NOTCH3: variants seen among roughly 807,000 people sequenced by gnomAD.
NOTCH3 encodes the protein notch receptor 3.
Under a neutral mutation model 213.3 loss-of-function variants are expected in NOTCH3, and 86 were observed. The observed-to-expected ratio is 0.40, with a 90% CI of 0.34 to 0.48. The LOEUF (loss-of-function observed/expected upper bound fraction) is 0.48. NOTCH3 is among the 20% of genes least tolerant of loss of function. The pLI, the probability that NOTCH3 is intolerant of heterozygous loss-of-function variation, is 0.57. For synonymous variants in NOTCH3, 1,354 were observed against 1,355.9 expected (o/e 1.00, Z 0.03); for missense variants, 2,783 against 3,272.6 (o/e 0.85, Z 3.65).
chr19:15,196,898 A>C (rs1427248436), intron 2 of NOTCH3, among the ~76,000 whole-genome samples: 1 of 152,158 alleles, frequency 6.6e-6, no homozygotes, highest in Non-Finnish European at 1.5e-5. Context: ...TGCTCCCTGC[A>C]ACCTCTTGCC....
Position 15,192,020 on chromosome 19 carries a change from G to C in NOTCH3, c.619C>G (p.Arg207Gly). The C allele has an allele frequency of 6.2e-7, 1 of 1,613,194 alleles. No homozygotes were observed. Among genetic ancestry groups the C allele is most frequent in the Non-Finnish European group, 8.5e-7 (1 of 1,179,974 alleles). The change falls in exon 4 of 33, where the codon CGT (arginine) becomes GGT (glycine). Residue 207 changes from arginine (R) to glycine (G), a missense_variant. Arg to Gly is a moderately radical substitution (Grantham distance 125). Around this residue, in one of 6 missense-constraint regions of NOTCH3, gnomAD observed 708 missense variants for 906.6 expected, o/e 0.78. Coordinates refer to ENST00000263388, the MANE Select transcript of NOTCH3 (RefSeq NM_000435.3). ...PAVPCAPSPC[R>G]NGGTCRQSGD... Reference sequence around the variant, plus strand: ...CTCTGCCTGCAGGTGCCCCCGTTACGGCATGGTGAGGGTGCACAGGGCACC... The same window carrying C: ...CTCTGCCTGCAGGTGCCCCCGTTACCGCATGGTGAGGGTGCACAGGGCACC...
In NOTCH3 at chr19:15,181,580, G is replaced by C; in HGVS notation, c.2788C>G (p.Pro930Ala). 1 of 1,550,342 alleles carries C rather than the reference G, an allele frequency of 6.5e-7. No individual in the cohort carries two copies. Among genetic ancestry groups the C allele is most frequent in the South Asian group, 1.2e-5 (1 of 84,020 alleles). Residue 930 changes from proline to alanine, a missense_variant, in exon 17 of 33, where the codon CCC becomes GCC. Physicochemically the swap from Pro to Ala is conservative, Grantham distance 27. Transcript: ENST00000263388. ...CCAAGCAGAGGCCCCGCCCACCTGG[G>C]GCTGCAGTCGGGCAGGTCCTGTTCG... ...HCEQDLPDCS[P>A]SSCFNGGTCV...
intron 24 of NOTCH3, among the ~76,000 whole-genome samples, chr19:15,176,125 G>A (rs1172456701): frequency 6.6e-6 from 1 of 151,488 alleles, no homozygotes; most frequent in Non-Finnish European, 1.5e-5. Flanking sequence ...CAGGAGTGGA[G>A]GAAGACAGTT....
At position 15,160,705 on chromosome 19, in the gene NOTCH3, C is replaced by G; in HGVS notation, c.6923G>C (p.Gly2308Ala). The change falls in exon 33 of 33, where the codon GGG becomes GCG. Residue 2308 changes from glycine (G) to alanine (A), a missense_variant. Gly to Ala is a moderately conservative substitution (Grantham distance 60). Transcript: ENST00000263388. ...SSLAQAQTQLGPQPEVTPKRQ... is the reference protein window; with the variant it reads ...SSLAQAQTQLAPQPEVTPKRQ... ...CTTGGGGGTAACTTCCGGCTGGGGCCCCAGCTGGGTCTGGGCCTGAGCAAG... is the reference window on the plus strand; with the variant it reads ...CTTGGGGGTAACTTCCGGCTGGGGCGCCAGCTGGGTCTGGGCCTGAGCAAG... 1 of 1,614,168 alleles carries G rather than the reference C, an allele frequency of 6.2e-7. No individual in the cohort carries two copies. Among genetic ancestry groups the G allele is most frequent in the Non-Finnish European group, 8.5e-7 (1 of 1,180,032 alleles).
intron 1 of NOTCH3, among the ~76,000 whole-genome samples, chr19:15,198,004 G>C (rs183391109): frequency 6.6e-5 from 10 of 152,256 alleles, no homozygotes; most frequent in Admixed American, 6.5e-4. Flanking sequence ...CTAGGGCCAC[G>C]GGTCTTCCTT....
chr19:15,179,468 C>T lies in NOTCH3; in HGVS notation c.3356G>A (p.Cys1119Tyr), dbSNP rs1266914122. 9 of 1,613,986 alleles carry T rather than the reference C, an allele frequency of 5.6e-6. No homozygotes were observed. Among genetic ancestry groups the T allele is most frequent in the Non-Finnish European group, 7.6e-6 (9 of 1,180,036 alleles). Residue 1119 changes from cysteine to tyrosine, a missense_variant, in exon 21 of 33, where the codon TGT becomes TAT. This residue lies in a region of NOTCH3 where 861 missense variants were observed against 909.1 expected (regional missense o/e 0.95). Coordinates refer to ENST00000263388, the MANE Select transcript of NOTCH3 (RefSeq NM_000435.3). ...GGCACACTCGTCCACGTCGTCCTCA[C>T]AGTTATCACCATTGTAGCCAGGAAG... is the stretch of plus-strand genomic sequence containing the variant. The part of the protein sequence containing the change: ...ECLPGYNGDN[C>Y]EDDVDECASQ...
chr19:15,174,071 A>G lies in NOTCH3; in HGVS notation c.4733T>C (p.Ile1578Thr). ...TTTTCCAGGTGGGGTCACTCACCCG[A>G]TCACCTCGGGGGCCAGCTCCCGACG... ...RARRELAPEV[I>T]GSVVMLEIDN... Residue 1578 changes from isoleucine (I) to threonine (T), a missense_variant, in exon 25 of 33, where the codon ATC (isoleucine) becomes ACC (threonine). Physicochemically the swap from Ile to Thr is moderately conservative, Grantham distance 89. Coordinates refer to ENST00000263388, the MANE Select transcript of NOTCH3 (RefSeq NM_000435.3). 6.4e-7 allele frequency: 1 copy of G among 1,567,886 alleles called. No individual in the cohort carries two copies. Among genetic ancestry groups the G allele is most frequent in the Non-Finnish European group, 8.7e-7 (1 of 1,152,692 alleles).
Position 15,167,326 on chromosome 19 carries a change from A to G in NOTCH3, c.5285T>C (p.Val1762Ala), listed in dbSNP as rs750747488. 8 of 1,613,380 alleles carry G rather than the reference A, an allele frequency of 5.0e-6. No individual in the cohort carries two copies. Among genetic ancestry groups the G allele is most frequent in the Non-Finnish European group, 6.8e-6 (8 of 1,179,998 alleles). ...QHHLVAADIR[V>A]APAMALTPPQ... ...TGGTGTCAGTGCCATGGCTGGTGCC[A>G]CGCGGATGTCAGCAGCAACCAGATG... is the stretch of plus-strand genomic sequence containing the variant. The change falls in exon 29 of 33, where the codon GTG becomes GCG. Residue 1762 changes from valine to alanine, a missense_variant. Val to Ala is a moderately conservative substitution (Grantham distance 64). This residue lies in a region of NOTCH3 where 636 missense variants were observed against 801.8 expected (regional missense o/e 0.79). Transcript: ENST00000263388.
intron 17 of NOTCH3, 143 bp from the exon 18 acceptor site, chr19:15,181,305 C>A: frequency 1.2e-6 from 1 of 818,782 alleles, no homozygotes; most frequent in South Asian, 1.5e-5. Flanking sequence ...CAGCAGAAGC[C>A]AATCAGGTCC....
chr19:15,195,936 AG>A (rs569102469), intron 2 of NOTCH3, among the ~76,000 whole-genome samples: 8 of 118,758 alleles, frequency 6.7e-5, no homozygotes, highest in South Asian at 5.6e-4. Context: ...AGACCTAGTT[AG>A]GGGGGGCACG....
At chr19:15,177,251 GAA>G (rs1555727291) in intron 24 of NOTCH3, among the ~76,000 whole-genome samples, 3 of 116,084 alleles carry the variant, frequency 2.6e-5, no homozygotes, top group Admixed American at 8.0e-5. Flanking sequence ...TCCATCTCGG[GAA>G]AAAAAAAAAA....
intron 2 of NOTCH3, among the ~76,000 whole-genome samples, chr19:15,192,732 T>C (rs771230021): frequency 3.3e-5 from 5 of 152,196 alleles, no homozygotes; most frequent in Non-Finnish European, 7.3e-5. Flanking sequence ...CTAGCCAACA[T>C]GGTGTAACCC....
At chr19:15,199,120 G>C (rs2046991457) in intron 1 of NOTCH3, among the ~76,000 whole-genome samples, 1 of 152,224 alleles carries the variant, frequency 6.6e-6, no homozygotes, top group South Asian at 2.1e-4. Context: ...GGGCCACCCT[G>C]AGCTGTAGGC....
chr19:15,197,734 G>GCCCC (rs5827279), intron 1 of NOTCH3, among the ~76,000 whole-genome samples, 156 bp from the exon 2 acceptor site: 3 of 41,012 alleles, frequency 7.3e-5, no homozygotes, highest in Non-Finnish European at 1.7e-4. Flanking sequence ...CAGTTCCCAC[G>GCCCC]CCCCCCCCCC....
Position 15,179,299 on chromosome 19 carries a change from G to A in NOTCH3, c.3461-17C>T. On this transcript the variant is annotated splice_polypyrimidine_tract_variant and intron_variant, in intron 21 of 32. Transcript: ENST00000263388. ...AGAGCACCCCTGGGGGAAGAAACGA[G>A]GGGTGGTCAAGAGGGAATGAAGACA... 6.2e-7 allele frequency: 1 copy of A among 1,611,322 alleles called. No individual in the cohort carries two copies. The highest frequency in any genetic ancestry group is 1.3e-5 in the African/African-American group (1 of 75,014).
At chr19:15,162,413 C>CA in intron 32 of NOTCH3, 52 bp downstream of exon 32, 2 of 1,253,242 alleles carry the variant, frequency 1.6e-6, no homozygotes, top group Non-Finnish European at 2.3e-6. Context: ...GGCTGGATTG[C>CA]AATGGCACTG....
intron 2 of NOTCH3, among the ~76,000 whole-genome samples, chr19:15,196,097 G>A (rs1004238): frequency 0.066 from 9,972 of 151,866 alleles, 922 homozygotes; most frequent in African/African-American, 0.21. Context: ...AGAGACTCGT[G>A]GGGGGTGGAG....
chr19:15,181,252 C>A, intron 17 of NOTCH3, 90 bp from the exon 18 acceptor site: 1 of 1,188,798 alleles, frequency 8.4e-7, no homozygotes, highest in Middle Eastern at 2.7e-4. Flanking sequence ...GCGCTGGGGA[C>A]GTCCCACTCC....
In NOTCH3 at chr19:15,180,141, G is replaced by T; in HGVS notation, c.3258C>A (p.Asp1086Glu). Reference protein sequence around the residue: ...RTGSHCEQEVDPCLAQPCQHG... With the variant: ...RTGSHCEQEVEPCLAQPCQHG... ...GCTGGCAGGGCTGGGCCAAGCAGGG[G>T]TCCACCTCCTGCTCACAGTGGCTAC... Residue 1086 changes from aspartate to glutamate, a missense_variant, in exon 20 of 33, where the codon GAC becomes GAA. Around this residue, in one of 6 missense-constraint regions of NOTCH3, gnomAD observed 861 missense variants for 909.1 expected, o/e 0.95. Transcript: ENST00000263388. 2 of 1,613,408 alleles carry T rather than the reference G, an allele frequency of 1.2e-6. No individual in the cohort carries two copies. Among genetic ancestry groups the T allele is most frequent in the South Asian group, 1.1e-5 (1 of 91,052 alleles).
Sources: gnomAD v4.1 joint callset for allele counts (sites outside exome capture counted in the v4.1 genomes callset) on GRCh38, gnomAD v4.1.1 for gene constraint, gnomAD v4.1.1 regional missense constraint, MANE v1.5 for transcripts, NCBI Gene and HGNC (gene_info 2026-07-23, HGNC 2026-07-21) for gene names.